Variants in GYG1 observed in about 807,000 individuals in gnomAD.
GYG1 encodes the protein glycogenin-1.
A neutral mutation model predicts 41.9 loss-of-function variants in GYG1; 44 were observed. That is an observed-to-expected ratio of 1.05 (90% confidence interval 0.83 to 1.35). The LOEUF is 1.35. GYG1 is among the 40% of genes most tolerant of loss of function. The pLI, the probability that GYG1 is intolerant of heterozygous loss-of-function variation, is 0.00. For synonymous variants in GYG1, 141 were observed against 158.1 expected (o/e 0.89, Z 0.81); for missense variants, 429 against 418.9 (o/e 1.02, Z -0.21).
At chr3:149,010,154 T>A (rs957757470) in intron 5 of GYG1, among the ~76,000 whole-genome samples, 8 of 152,196 alleles carry the variant, frequency 5.3e-5, no homozygotes, top group African/African-American at 1.4e-4. Context: ...ATCTGCTACA[T>A]GACTTAAGAC....
At chr3:149,019,068 TAAAAAAA>T (rs67695680) in intron 5 of GYG1, among the ~76,000 whole-genome samples, 1 of 119,094 alleles carries the variant, frequency 8.4e-6, no homozygotes, top group Non-Finnish European at 1.7e-5. Context: ...GACACTGTCT[TAAAAAAA>T]AAAAAAAAAA....
intron 4 of GYG1, among the ~76,000 whole-genome samples, chr3:149,002,957 G>A (rs1713177297): frequency 6.6e-6 from 1 of 152,024 alleles, no homozygotes; most frequent in African/African-American, 2.4e-5. Flanking sequence ...GGAAGCAGAG[G>A]CAATGAGCTG....
chr3:148,991,575 C>T lies in GYG1; in HGVS notation c.-66C>T, dbSNP rs974841446. On this transcript the variant is annotated 5_prime_UTR_variant, in exon 1 of 8. Coordinates refer to ENST00000345003, the MANE Select transcript of GYG1 (RefSeq NM_004130.4). ...GCCTCCTCGCTGGCCGCGCTCCCTC[C>T]CGGTGCCGGCTTCTCTGAGTCACCA... 4.6e-6 allele frequency: 7 copies of T among 1,537,058 alleles called. No homozygotes were observed. Among genetic ancestry groups the T allele is most frequent in the East Asian group, 2.4e-5 (1 of 40,904 alleles).
In GYG1 at chr3:148,996,356, T is replaced by C. The variant is rs2107886971; in HGVS notation, c.198T>C (p.Ser66=). 6.2e-7 allele frequency: 1 copy of C among 1,612,064 alleles called. No individual in the cohort carries two copies. Among genetic ancestry groups the C allele is most frequent in the African/African-American group, 1.3e-5 (1 of 74,986 alleles). ...TCATCATGGTAGATGTCTTGGACAG[T>C]GGCGATTCTGCTCATCTAACCTTAA... ...DEVIMVDVLD[S]GDSAHLTLMK... is the part of the protein sequence containing the mutation. Residue 66 remains serine (S), a synonymous_variant, in exon 3 of 8, where the codon AGT becomes AGC. Transcript: ENST00000345003.
rs1378864114 is a variant in GYG1, at chr3:149,028,715, T to G, written c.*1782T>G. On this transcript the variant is annotated 3_prime_UTR_variant, in exon 8 of 8. Transcript: ENST00000345003. ...CTGACATAGTTTTAAATTTTTTTTT[T>G]TTTTTTTTTTTTTCTTGAGGCAGAG... Among the ~76,000 whole-genome samples, 2 of 148,950 alleles carry G rather than the reference T, an allele frequency of 1.3e-5. No individual in the cohort carries two copies. Among genetic ancestry groups the G allele is most frequent in the East Asian group, 3.9e-4 (2 of 5,138 alleles).
chr3:149,023,268 G>A (rs772031264), intron 5 of GYG1, among the ~76,000 whole-genome samples: 2 of 152,192 alleles, frequency 1.3e-5, no homozygotes, highest in Non-Finnish European at 2.9e-5. Context: ...CAAGCCATAG[G>A]ACATGTCCAA....
intron 4 of GYG1, among the ~76,000 whole-genome samples, chr3:149,004,452 C>G (rs1041422846): frequency 1.3e-5 from 2 of 152,126 alleles, no homozygotes; most frequent in African/African-American, 4.8e-5. Flanking sequence ...AAAGATTTTT[C>G]TAAAGAGAGG....
intron 4 of GYG1, 39 bp from the exon 5 acceptor site, chr3:149,009,237 A>G (rs1206531176): frequency 2.1e-6 from 3 of 1,447,180 alleles, no homozygotes; most frequent in Non-Finnish European, 2.9e-6. Context: ...TAAACTGTCT[A>G]GAGATCTGTT....
intron 4 of GYG1, 149 bp downstream of exon 4, chr3:148,997,053 A>AT: frequency 1.6e-6 from 1 of 613,768 alleles, no homozygotes; most frequent in East Asian, 2.9e-5. Flanking sequence ...TCTGGGAAAT[A>AT]TTGTGTGTGT....
In GYG1 at chr3:149,002,712, T is replaced by G. The variant is rs559606743; in HGVS notation, c.481+5808T>G. ...TAATGATTATATCCACCAAGCATTT[T>G]GTAGGAAGTTAGTTTTAAAAAGAAG... On this transcript the variant is annotated intron_variant, in intron 4 of 7. Coordinates refer to ENST00000345003, the MANE Select transcript of GYG1 (RefSeq NM_004130.4). Among the ~76,000 whole-genome samples the G allele has an allele frequency of 6.6e-5, 10 of 152,324 alleles. No individual in the cohort carries two copies. In the East Asian group the frequency reaches 1.7e-3, roughly 26 times the overall value.
intron 5 of GYG1, among the ~76,000 whole-genome samples, chr3:149,018,114 C>T (rs951598957): frequency 6.6e-6 from 1 of 151,902 alleles, no homozygotes; most frequent in Non-Finnish European, 1.5e-5. Flanking sequence ...TGGTAATTCT[C>T]GATTTTCATA....
At chr3:149,025,233 G>C (rs1441020104) in intron 6 of GYG1, among the ~76,000 whole-genome samples, 1 of 152,186 alleles carries the variant, frequency 6.6e-6, no homozygotes, top group East Asian at 1.9e-4. Flanking sequence ...ATGGGGGATG[G>C]TTTCAGGATA....
At position 149,015,866 on chromosome 3, in the gene GYG1, TG is replaced by T. The variant is rs367678129; in HGVS notation, c.608+6468del. Among the ~76,000 whole-genome samples the T allele has an allele frequency of 2.5e-4, 38 of 151,584 alleles. 1 individual carries two copies. The highest frequency in any genetic ancestry group is 9.2e-4 in the African/African-American group (38 of 41,276). ...GTATTGATAGGAATGATGTTGGGGG[TG>T]GGGACAATGCAGAAAACTGTGGGGA... On this transcript the variant is annotated intron_variant, in intron 5 of 7. Transcript: ENST00000345003.
intron 5 of GYG1, among the ~76,000 whole-genome samples, chr3:149,013,616 T>C (rs1285570883): frequency 1.3e-5 from 2 of 152,208 alleles, no homozygotes; most frequent in African/African-American, 4.8e-5. Flanking sequence ...TATTCTACTC[T>C]TTTAAACAGT....
At position 148,994,313 on chromosome 3, in the gene GYG1, C is replaced by T. The variant is rs550347420; in HGVS notation, c.143+36C>T. The T allele has an allele frequency of 3.7e-6, 6 of 1,606,980 alleles. No homozygotes were observed. The East Asian group carries it at 1.1e-4, about 30-fold the overall frequency. ...CGCTGCCACCCCAGCATCCAAGGGG[C>T]TCTGACATCCTTCTCCCTGTTGCTG... is the stretch of plus-strand genomic sequence containing the variant. On this transcript the variant is annotated intron_variant, in intron 2 of 7. Transcript: ENST00000345003.
intron 5 of GYG1, among the ~76,000 whole-genome samples, chr3:149,019,427 C>A (rs138207542): frequency 1.3e-5 from 2 of 152,308 alleles, no homozygotes; most frequent in Non-Finnish European, 2.9e-5. Context: ...CCATCTCTCC[C>A]CACTCACCCC....
At chr3:149,001,219 C>T (rs548921599) in intron 4 of GYG1, 1 of 152,300 alleles carries the variant, frequency 6.6e-6, no homozygotes, top group South Asian at 2.1e-4. Context: ...TGGTGACTTC[C>T]CCCAGCCACC....
intron 4 of GYG1, among the ~76,000 whole-genome samples, chr3:149,007,781 G>C (rs1363286922): frequency 1.3e-5 from 2 of 152,144 alleles, no homozygotes; most frequent in Non-Finnish European, 2.9e-5. Context: ...GTGTCTGCCT[G>C]CCTGCCATCC....
rs1714869210 is a variant in GYG1 at position 149,030,016 on chromosome 3, G to C, written c.*3083G>C. 1 of 152,110 alleles carries C rather than the reference G, an allele frequency of 6.6e-6. No individual in the cohort carries two copies. 9.4% of individuals were successfully genotyped at this position (152,110 alleles called of 1,614,324 possible). On this transcript the variant is annotated 3_prime_UTR_variant, in exon 8 of 8. Transcript: ENST00000345003. ...GATATGAGGACATTATTCTGTTACA[G>C]TAATCTTCATGTACTCTCAAAAAAA...
Sources: gnomAD v4.1 joint callset for allele counts (sites outside exome capture counted in the v4.1 genomes callset) on GRCh38, gnomAD v4.1.1 for gene constraint, MANE v1.5 for transcripts, NCBI Gene and HGNC (gene_info 2026-07-23, HGNC 2026-07-21) for gene names.